The following PSD3 variants were observed in gnomAD, a reference collection of about 807,000 sequenced individuals.
PSD3 encodes the protein pleckstrin and Sec7 domain containing 3.
Under a neutral mutation model 105.5 loss-of-function variants are expected in PSD3, and 49 were observed. The observed-to-expected ratio is 0.46, with a 90% confidence interval of 0.37 to 0.59. The LOEUF (loss-of-function observed/expected upper bound fraction) is 0.59, where lower values mean the gene tolerates loss of function less well. Ranked by LOEUF, PSD3 falls within the 20% of genes least tolerant of loss-of-function variation. The pLI is 0.00. For missense variants in PSD3, 1,561 were observed against 1,263.8 expected, an observed-to-expected ratio of 1.24 and a Z score of -3.57; for synonymous variants, 557 against 457.8, an observed-to-expected ratio of 1.22 and a Z score of -2.77.
chr8:18,890,392 A>AG (rs562100967), intron 2 of PSD3, among the ~76,000 whole-genome samples: 428 of 152,306 alleles, frequency 2.8e-3, no homozygotes, highest in African/African-American at 9.9e-3. Context: ...GTTCAAGCTT[A>AG]ATCTAGAGAG....
rs561399902 is a variant in PSD3, at chr8:18,557,082, C to T, written c.2785-730G>A. Reference sequence around the variant, plus strand: ...TCCATTCTAAGGGTACCATTTATATCACCTTAGCAATAGGCTACCCAAAAA... The same window carrying T: ...TCCATTCTAAGGGTACCATTTATATTACCTTAGCAATAGGCTACCCAAAAA... On this transcript the variant is annotated intron_variant, in intron 14 of 15. Transcript: ENST00000327040. Among the ~76,000 whole-genome samples, 3 of 152,294 alleles carry T rather than the reference C, an allele frequency of 2.0e-5. No individual in the cohort carries two copies. In the South Asian group the frequency reaches 6.2e-4, roughly 32 times the overall value.
chr8:18,775,673 A>C (rs1443322025), intron 8 of PSD3, among the ~76,000 whole-genome samples: 2 of 152,202 alleles, frequency 1.3e-5, no homozygotes. Flanking sequence ...TGCCCATTTT[A>C]AAATCGAGTT....
rs187281138 is a variant in PSD3 at position 18,555,530 on chromosome 8, G to A, written c.2928+679C>T. ...TTAAAAATAAAAAGACACTTTAAAT[G>A]TCTGAAGGCAGAGGCTAAGGGACTC... On this transcript the variant is annotated intron_variant, in intron 15 of 15. Transcript: ENST00000327040. Among the ~76,000 whole-genome samples, 6 of 152,268 alleles carry A rather than the reference G, an allele frequency of 3.9e-5. No homozygotes were observed. The East Asian group carries it at 1.2e-3, about 29-fold the overall frequency.
chr8:18,699,612 T>C (rs143536728), intron 9 of PSD3, among the ~76,000 whole-genome samples: 47 of 152,302 alleles, frequency 3.1e-4, no homozygotes, highest in Non-Finnish European at 5.9e-4. Flanking sequence ...TTAGAAAATA[T>C]GTGCTGGAAT....
chr8:18,734,359 T>C (rs1468977870), intron 9 of PSD3: 1 of 152,232 alleles, frequency 6.6e-6, no homozygotes, highest in African/African-American at 2.4e-5. Context: ...AAATATAAAC[T>C]GTGTATGATT....
In PSD3 at chr8:18,572,404, G is replaced by T. The variant is rs115596265; in HGVS notation, c.2784+124C>A. On this transcript the variant is annotated intron_variant, in intron 14 of 15. Coordinates refer to ENST00000327040, the MANE Select transcript of PSD3 (RefSeq NM_015310.4). ...CATATCTGCCTCATTTATATGATAC[G>T]CTCTCACAGGGCAAGGTCTCACACC... The T allele has an allele frequency of 4.3e-6, 5 of 1,153,862 alleles. No homozygotes were observed. In the South Asian group the frequency reaches 6.1e-5, roughly 14 times the overall value. 71.5% of individuals were successfully genotyped at this position (1,153,862 alleles called of 1,614,324 possible).
At chr8:18,863,800 T>A (rs1412618959) in intron 4 of PSD3, among the ~76,000 whole-genome samples, 1 of 152,034 alleles carries the variant, frequency 6.6e-6, no homozygotes, top group Admixed American at 6.6e-5. Flanking sequence ...TAGAATATTA[T>A]AGATTTGGAA....
At chr8:18,817,860 G>A (rs529158398) in intron 4 of PSD3, among the ~76,000 whole-genome samples, 2 of 152,260 alleles carry the variant, frequency 1.3e-5, no homozygotes, top group South Asian at 2.1e-4. Flanking sequence ...AGAATGCAGC[G>A]GTGAAGAGGG....
intron 4 of PSD3, among the ~76,000 whole-genome samples, chr8:18,844,175 C>T (rs958192934): frequency 6.6e-6 from 1 of 151,654 alleles, no homozygotes; most frequent in Admixed American, 6.6e-5. Context: ...AGCTGTATCT[C>T]CCCAGGATTA....
chr8:18,812,348 C>T (rs1811769768), intron 4 of PSD3, among the ~76,000 whole-genome samples: 2 of 152,110 alleles, frequency 1.3e-5, no homozygotes, highest in African/African-American at 4.8e-5. Context: ...CCTTGGGGGC[C>T]ACTATGGAGA....
chr8:18,679,223 T>C (rs1355203704), intron 9 of PSD3, among the ~76,000 whole-genome samples: 2 of 152,232 alleles, frequency 1.3e-5, no homozygotes, highest in Non-Finnish European at 2.9e-5. Context: ...AGGGCCATTG[T>C]AATGATTTCT....
At chr8:18,899,971 G>T (rs1401947799) in intron 2 of PSD3, among the ~76,000 whole-genome samples, 1 of 151,808 alleles carries the variant, frequency 6.6e-6, no homozygotes, top group Non-Finnish European at 1.5e-5. Flanking sequence ...AATGTCCTTT[G>T]TGGAACTGTT....
chr8:18,578,973 C>A (rs1380965135), intron 12 of PSD3, among the ~76,000 whole-genome samples: 1 of 152,156 alleles, frequency 6.6e-6, no homozygotes, highest in African/African-American at 2.4e-5. Flanking sequence ...AATTTTAAGT[C>A]TAGGAAGCTT....
chr8:18,707,229 A>G (rs1247738860), intron 9 of PSD3, among the ~76,000 whole-genome samples: 1 of 151,956 alleles, frequency 6.6e-6, no homozygotes, highest in Non-Finnish European at 1.5e-5. Context: ...TTTCCAGAAA[A>G]CCTACCCGAC....
chr8:18,991,343 C>CACACACACAT (rs1208733235), intron 1 of PSD3, among the ~76,000 whole-genome samples: 1 of 89,886 alleles, frequency 1.1e-5, no homozygotes, highest in African/African-American at 3.7e-5. Flanking sequence ...AGAAAACACA[C>CACACACACAT]ACACACACAT....
chr8:18,785,114 C>A (rs1020938283), intron 8 of PSD3, among the ~76,000 whole-genome samples: 5 of 152,134 alleles, frequency 3.3e-5, no homozygotes, highest in African/African-American at 1.2e-4. Flanking sequence ...TGTGTCAGAA[C>A]TGCTGTCACT....
intron 11 of PSD3, among the ~76,000 whole-genome samples, chr8:18,616,669 G>C (rs944518617): frequency 9.3e-5 from 12 of 129,552 alleles, no homozygotes; most frequent in Admixed American, 4.4e-4. Flanking sequence ...TGTCGCCCAG[G>C]CTGGAGTGCA....
chr8:18,650,577 C>G (rs1213327520), intron 10 of PSD3, among the ~76,000 whole-genome samples: 1 of 152,152 alleles, frequency 6.6e-6, no homozygotes, highest in Admixed American at 6.5e-5. Context: ...TATCTTTGTA[C>G]AGTCCTCCCT....
intron 1 of PSD3, among the ~76,000 whole-genome samples, chr8:18,985,200 C>T (rs145160314): frequency 3.6e-4 from 55 of 152,284 alleles, no homozygotes; most frequent in Non-Finnish European, 7.6e-4. Context: ...TCCCAAAGTG[C>T]TGGGATTACA....
Sources: allele counts gnomAD v4.1 joint callset (sites outside exome capture counted in the v4.1 genomes callset), GRCh38; gene constraint gnomAD v4.1.1; transcripts MANE v1.5; gene names NCBI Gene and HGNC (gene_info 2026-07-23, HGNC 2026-07-21).